NIPAL2: variants seen among roughly 807,000 people sequenced by gnomAD.
NIPAL2 encodes the protein NIPA-like protein 2.
NIPAL2 carries 43 observed loss-of-function variants against 48.9 expected under a neutral mutation model. That is an observed-to-expected ratio of 0.88 (90% CI 0.69 to 1.13). The LOEUF (loss-of-function observed/expected upper bound fraction) is 1.13, where lower values mean the gene tolerates loss of function less well. Ranked by LOEUF, NIPAL2 falls within the 50% of genes most tolerant of loss-of-function variation. NIPAL2 has a pLI of 0.00. For missense variants in NIPAL2, 446 were observed against 461.4 expected (o/e 0.97, Z 0.31); for synonymous variants, 167 against 174.6 (o/e 0.96, Z 0.34).
At chr8:98,285,917 A>C (rs939966798) in intron 1 of NIPAL2, among the ~76,000 whole-genome samples, 1 of 152,178 alleles carries the variant, frequency 6.6e-6, no homozygotes, top group East Asian at 1.9e-4. Context: ...AGTGGGGTCA[A>C]GTGATGAAAT....
At chr8:98,241,139 A>T (rs16896838) in intron 3 of NIPAL2, among the ~76,000 whole-genome samples, 8,250 of 152,282 alleles carry the variant, frequency 0.054, 710 homozygotes, top group African/African-American at 0.19. Flanking sequence ...CTATGTGTGT[A>T]GGTATAACTG....
chr8:98,242,037 G>T (rs140531578), intron 3 of NIPAL2, among the ~76,000 whole-genome samples: 2 of 151,956 alleles, frequency 1.3e-5, no homozygotes, highest in Non-Finnish European at 2.9e-5. Flanking sequence ...TGGCATAAAA[G>T]GCAAAAGGTA....
intron 1 of NIPAL2, among the ~76,000 whole-genome samples, chr8:98,271,039 T>C (rs746488825): frequency 1.3e-5 from 2 of 152,212 alleles, no homozygotes; most frequent in African/African-American, 4.8e-5. Flanking sequence ...CTCTCTATTA[T>C]GTTCCATTGG....
In NIPAL2 at chr8:98,284,180, C is replaced by T. The variant is rs145468942; in HGVS notation, c.135+9823G>A. On this transcript the variant is annotated intron_variant, in intron 1 of 10. Coordinates refer to ENST00000430223, the MANE Select transcript of NIPAL2 (RefSeq NM_001321635.2). ...CACACGATTCACTGATGGCAATTGT[C>T]ATTTGGGTCAAACTGCCCATTTCTC... Among the ~76,000 whole-genome samples, 175 of 152,256 alleles carry T rather than the reference C, an allele frequency of 1.1e-3. 1 individual carries two copies. Among genetic ancestry groups the T allele is most frequent in the Non-Finnish European group, 2.0e-3 (138 of 68,012 alleles).
chr8:98,224,952 T>C (rs1336685055), intron 4 of NIPAL2, among the ~76,000 whole-genome samples: 1 of 152,078 alleles, frequency 6.6e-6, no homozygotes, highest in African/African-American at 2.4e-5. Context: ...AGATAGGGTT[T>C]CACCATGGTG....
Position 98,222,540 on chromosome 8 carries a change from T to G in NIPAL2, c.497A>C (p.Gln166Pro). The G allele has an allele frequency of 6.2e-7, 1 of 1,614,066 alleles. No individual in the cohort carries two copies. The highest frequency in any genetic ancestry group is 2.2e-5 in the East Asian group (1 of 44,886). ...LLVNFAPNIT[Q>P]AISARTVQYY... ...CTGTACTGTTCTTGCTGAGATTGCC[T>G]GAGTTATATTTGGAGCAAAGTTCAC... The change falls in exon 5 of 11, where the codon CAG becomes CCG. Residue 166 changes from glutamine to proline, a missense_variant. By Grantham distance (76) the Gln-to-Pro change is moderately conservative. Transcript: ENST00000430223.
intron 4 of NIPAL2, among the ~76,000 whole-genome samples, chr8:98,232,966 G>A (rs1812512226): frequency 6.6e-6 from 1 of 152,136 alleles, no homozygotes; most frequent in Non-Finnish European, 1.5e-5. Flanking sequence ...GCTTTTAAAA[G>A]ATGAGGAATT....
At chr8:98,216,239 T>C (rs1811567888) in intron 5 of NIPAL2, among the ~76,000 whole-genome samples, 6 of 152,080 alleles carry the variant, frequency 3.9e-5, no homozygotes, top group Admixed American at 3.9e-4. Context: ...AACAAACTGG[T>C]TTTGAATTCT....
chr8:98,258,524 G>A (rs894819076), intron 1 of NIPAL2, among the ~76,000 whole-genome samples: 1 of 152,136 alleles, frequency 6.6e-6, no homozygotes, highest in African/African-American at 2.4e-5. Flanking sequence ...AATATGGCCT[G>A]AGAAGGACTC....
At chr8:98,282,865 G>A (rs1046444361) in intron 1 of NIPAL2, among the ~76,000 whole-genome samples, 2 of 152,104 alleles carry the variant, frequency 1.3e-5, no homozygotes, top group Non-Finnish European at 2.9e-5. Context: ...AATCCTATAT[G>A]TGAAAAAGAA....
At chr8:98,260,771 C>T in intron 1 of NIPAL2, among the ~76,000 whole-genome samples, 1 of 152,250 alleles carries the variant, frequency 6.6e-6, no homozygotes, top group Non-Finnish European at 1.5e-5. Context: ...CTGGGCGGAG[C>T]CCACCACAGC....
At chr8:98,215,054 T>C (rs370391487) in intron 5 of NIPAL2, among the ~76,000 whole-genome samples, 1 of 152,328 alleles carries the variant, frequency 6.6e-6, no homozygotes, top group East Asian at 1.9e-4. Context: ...CACAGCAGCG[T>C]TTGGGCCGCT....
At chr8:98,290,925 T>G (rs2130925761) in intron 1 of NIPAL2, among the ~76,000 whole-genome samples, 1 of 152,294 alleles carries the variant, frequency 6.6e-6, no homozygotes, top group Admixed American at 6.5e-5. Context: ...ATTTTATATT[T>G]AATCTTCTCA....
intron 6 of NIPAL2, among the ~76,000 whole-genome samples, chr8:98,209,236 T>G (rs1811187223): frequency 6.6e-6 from 1 of 152,118 alleles, no homozygotes. Flanking sequence ...GAAGAGGGGC[T>G]CATAACAGCA....
chr8:98,275,530 T>C (rs973714902), intron 1 of NIPAL2, among the ~76,000 whole-genome samples: 1 of 152,182 alleles, frequency 6.6e-6, no homozygotes, highest in Non-Finnish European at 1.5e-5. Flanking sequence ...AGTTTCCAGT[T>C]TGGGGCTGTT....
Position 98,245,601 on chromosome 8 carries a change from G to A in NIPAL2, c.376+6862C>T, listed in dbSNP as rs190091224. 6.6e-5 allele frequency among the ~76,000 whole-genome samples: 10 copies of A among 152,266 alleles called. No individual in the cohort carries two copies. The East Asian group carries it at 1.2e-3, about 18-fold the overall frequency. ...CTTTTCTACATTTTTCTTGGCATGC[G>A]TTAATGTTAAAGTTGAAAAGACTCC... On this transcript the variant is annotated intron_variant, in intron 3 of 10. Coordinates refer to ENST00000430223, the MANE Select transcript of NIPAL2 (RefSeq NM_001321635.2).
chr8:98,284,865 GT>G (rs1427312291), intron 1 of NIPAL2, among the ~76,000 whole-genome samples: 1 of 152,126 alleles, frequency 6.6e-6, no homozygotes. Flanking sequence ...AGAGGTGTTT[GT>G]TGATGAGAAA....
chr8:98,244,903 A>C (rs980169601), intron 3 of NIPAL2, among the ~76,000 whole-genome samples: 4 of 152,310 alleles, frequency 2.6e-5, no homozygotes, highest in African/African-American at 7.2e-5. Context: ...CTAGCCTACA[A>C]ATAAAAATTT....
intron 6 of NIPAL2, among the ~76,000 whole-genome samples, chr8:98,206,776 C>CAAA (rs11290720): frequency 4.0e-5 from 4 of 99,560 alleles, no homozygotes; most frequent in South Asian, 3.1e-4. Flanking sequence ...GACTCTGTCT[C>CAAA]AAAAAAAAAA....
Sources: gnomAD v4.1 joint callset for allele counts (sites outside exome capture counted in the v4.1 genomes callset) on GRCh38, gnomAD v4.1.1 for gene constraint, MANE v1.5 for transcripts, NCBI Gene and HGNC (gene_info 2026-07-23, HGNC 2026-07-21) for gene names.